MSRA: variants seen among roughly 807,000 people sequenced by gnomAD.
The protein encoded by MSRA is methionine sulfoxide reductase A.
In MSRA, 54 loss-of-function variants were observed where a neutral mutation model predicts 31.3. That is an observed-to-expected ratio of 1.73 (90% confidence interval 1.39 to 2.17). The LOEUF is 2.17. Ranked by LOEUF, MSRA falls within the 30% of genes most tolerant of loss-of-function variation. MSRA has a pLI of 0.00. For synonymous variants in MSRA, 169 were observed against 116.5 expected, an observed-to-expected ratio of 1.45 and a Z score of -2.90; for missense variants, 507 against 300.9, an observed-to-expected ratio of 1.69 and a Z score of -5.07.
chr8:10,128,726 G>A (rs573234609), intron 1 of MSRA, among the ~76,000 whole-genome samples: 5 of 152,320 alleles, frequency 3.3e-5, no homozygotes, highest in South Asian at 2.1e-4. Context: ...CTTTTAGAGA[G>A]CACGGAAGAG....
chr8:10,360,762 G>C (rs1028835412), intron 5 of MSRA, among the ~76,000 whole-genome samples: 12 of 152,232 alleles, frequency 7.9e-5, no homozygotes, highest in African/African-American at 2.7e-4. Context: ...GGGATGTACT[G>C]TCTGGGTCAG....
At chr8:10,222,829 G>A (rs986410555) in intron 2 of MSRA, among the ~76,000 whole-genome samples, 19 of 152,176 alleles carry the variant, frequency 1.2e-4, no homozygotes, top group African/African-American at 7.2e-5. Flanking sequence ...GGTTACCAGG[G>A]GCTGGAGAGA....
At chr8:10,161,839 A>G (rs10094156) in intron 1 of MSRA, among the ~76,000 whole-genome samples, 44,434 of 140,750 alleles carry the variant, frequency 0.32, 7,407 homozygotes, top group African/African-American at 0.51. Context: ...GCCCCTGATA[A>G]CCATGGGCCC....
intron 1 of MSRA, among the ~76,000 whole-genome samples, chr8:10,190,956 GACT>G (rs1807456799): frequency 6.6e-6 from 1 of 152,162 alleles, no homozygotes; most frequent in South Asian, 2.1e-4. Context: ...CTAGGGCCAT[GACT>G]GGTCGATCAG....
At chr8:10,187,266 T>G (rs750886977) in intron 1 of MSRA, among the ~76,000 whole-genome samples, 1 of 152,166 alleles carries the variant, frequency 6.6e-6, no homozygotes, top group Non-Finnish European at 1.5e-5. Context: ...ACCTGGAGTG[T>G]CTTGAAGGGT....
At chr8:10,171,548 G>A (rs1805589865) in intron 1 of MSRA, among the ~76,000 whole-genome samples, 1 of 152,152 alleles carries the variant, frequency 6.6e-6, no homozygotes, top group South Asian at 2.1e-4. Context: ...AATGTAAGAA[G>A]AAATATACTT....
At chr8:10,416,208 G>C (rs569037613) in intron 5 of MSRA, among the ~76,000 whole-genome samples, 1 of 152,144 alleles carries the variant, frequency 6.6e-6, no homozygotes, top group African/African-American at 2.4e-5. Context: ...GTTCATCCCT[G>C]TGTTCCTCGT....
At chr8:10,346,742 C>T (rs1047789670) in intron 5 of MSRA, among the ~76,000 whole-genome samples, 14 of 152,100 alleles carry the variant, frequency 9.2e-5, no homozygotes, top group Non-Finnish European at 1.9e-4. Flanking sequence ...TTGGGTTAGT[C>T]CTAGAATTTC....
At chr8:10,233,968 A>C (rs1478111695) in intron 2 of MSRA, among the ~76,000 whole-genome samples, 2 of 152,202 alleles carry the variant, frequency 1.3e-5, no homozygotes, top group African/African-American at 4.8e-5. Flanking sequence ...TGACCATCAG[A>C]CTGACAGCAG....
chr8:10,294,815 A>C (rs1239277907), intron 3 of MSRA, among the ~76,000 whole-genome samples: 1 of 151,636 alleles, frequency 6.6e-6, no homozygotes, highest in African/African-American at 2.4e-5. Context: ...AACCTTCCCC[A>C]CAGCAGCACA....
chr8:10,343,154 C>G (rs145026807), intron 5 of MSRA, among the ~76,000 whole-genome samples: 477 of 152,200 alleles, frequency 3.1e-3, no homozygotes, highest in African/African-American at 0.01. Flanking sequence ...TCATGACCAG[C>G]TTTTCTCCAT....
At chr8:10,273,264 C>G (rs115697401) in intron 3 of MSRA, among the ~76,000 whole-genome samples, 4 of 152,140 alleles carry the variant, frequency 2.6e-5, no homozygotes, top group Non-Finnish European at 5.9e-5. Context: ...TACCTTAAAA[C>G]CTGCTCCCCA....
At chr8:10,310,012 G>C (rs1241623826) in intron 4 of MSRA, among the ~76,000 whole-genome samples, 2 of 152,154 alleles carry the variant, frequency 1.3e-5, no homozygotes, top group Non-Finnish European at 2.9e-5. Flanking sequence ...CATCAACTTG[G>C]CAATAAAATA....
At chr8:10,230,318 T>A (rs1811357408) in intron 2 of MSRA, among the ~76,000 whole-genome samples, 1 of 152,158 alleles carries the variant, frequency 6.6e-6, no homozygotes, top group African/African-American at 2.4e-5. Flanking sequence ...AGGGAGAAGG[T>A]TATACCGGAA....
At chr8:10,193,363 G>A (rs1232731532) in intron 1 of MSRA, among the ~76,000 whole-genome samples, 1 of 152,174 alleles carries the variant, frequency 6.6e-6, no homozygotes, top group East Asian at 1.9e-4. Flanking sequence ...GTGTGAGGCC[G>A]CCTCCTCTGT....
At chr8:10,219,805 C>CAAAAAA (rs202000887) in intron 2 of MSRA, among the ~76,000 whole-genome samples, 608 of 46,034 alleles carry the variant, frequency 0.013, 33 homozygotes, top group East Asian at 0.066. Flanking sequence ...GACTCTGTCT[C>CAAAAAA]CAAAAAAAAA....
In MSRA at chr8:10,255,477, G is replaced by T. The variant is rs559650593; in HGVS notation, c.331+10254G>T. ...ATTCCCTGAGTGAATTTAATGTAAAGCTGTCCCTTCCCCCTCGGTCCCGGC... is the reference window on the plus strand; with the variant it reads ...ATTCCCTGAGTGAATTTAATGTAAATCTGTCCCTTCCCCCTCGGTCCCGGC... On this transcript the variant is annotated intron_variant, in intron 3 of 5. Coordinates refer to ENST00000317173, the MANE Select transcript of MSRA (RefSeq NM_012331.5). 6.6e-5 allele frequency among the ~76,000 whole-genome samples: 10 copies of T among 152,292 alleles called. No homozygotes were observed. In the East Asian group the frequency reaches 1.9e-3, roughly 29 times the overall value.
intron 3 of MSRA, among the ~76,000 whole-genome samples, chr8:10,261,325 C>T (rs1356072586): frequency 1.3e-5 from 2 of 149,890 alleles, no homozygotes; most frequent in African/African-American, 2.5e-5. Context: ...TGCTAGGGAC[C>T]GGATACAGTG....
intron 5 of MSRA, among the ~76,000 whole-genome samples, chr8:10,409,893 A>C (rs1180709087): frequency 1.3e-5 from 2 of 152,146 alleles, no homozygotes; most frequent in Non-Finnish European, 1.5e-5. Flanking sequence ...CCCTGTCTCT[A>C]CAGAAAATAA....
Sources: allele counts gnomAD v4.1 joint callset (sites outside exome capture counted in the v4.1 genomes callset), GRCh38; gene constraint gnomAD v4.1.1; transcripts MANE v1.5; gene names NCBI Gene and HGNC (gene_info 2026-07-23, HGNC 2026-07-21).